The following MDN1 variants were observed in gnomAD, a reference collection of about 807,000 sequenced individuals.
MDN1 encodes midasin AAA ATPase 1.
A neutral mutation model predicts 669.2 loss-of-function variants in MDN1; 266 were observed. The observed-to-expected ratio is 0.40, with a 90% confidence interval of 0.36 to 0.44. MDN1 has a LOEUF of 0.44. Ranked by LOEUF, MDN1 falls within the 20% of genes least tolerant of loss-of-function variation. MDN1 has a pLI of 1.00. For missense variants in MDN1, 5,940 were observed against 6,754.0 expected, an observed-to-expected ratio of 0.88 and a Z score of 4.22; for synonymous variants, 2,385 against 2,457.1, an observed-to-expected ratio of 0.97 and a Z score of 0.87.
Position 89,762,365 on chromosome 6 carries a change from A to G in MDN1, c.2310T>C (p.His770=), listed in dbSNP as rs757593137. Residue 770 remains histidine, a synonymous_variant, in exon 16 of 102, where the codon CAT becomes CAC. Transcript: ENST00000369393. ...CCTTGTTAACAGCAGACTTGTGTACATGCTGCATTAGTCTCAGGAGATCAT... is the reference window on the plus strand; with the variant it reads ...CCTTGTTAACAGCAGACTTGTGTACGTGCTGCATTAGTCTCAGGAGATCAT... ...RWHDLLRLMQ[H]VHKSAVNKDG... The G allele has an allele frequency of 3.7e-5, 60 of 1,614,038 alleles. No homozygotes were observed. The South Asian group carries it at 6.1e-4, about 17-fold the overall frequency.
intron 7 of MDN1, among the ~76,000 whole-genome samples, chr6:89,788,282 C>G (rs530395081): frequency 4.6e-5 from 7 of 152,222 alleles, no homozygotes; most frequent in African/African-American, 1.7e-4. Context: ...ATCAGTGTAC[C>G]CCAGGAGTAT....
intron 75 of MDN1, among the ~76,000 whole-genome samples, chr6:89,678,260 C>T (rs536079930): frequency 5.3e-5 from 8 of 151,952 alleles, no homozygotes; most frequent in East Asian, 1.9e-4. Flanking sequence ...CAACAAGAGG[C>T]GGAGGTTGCA....
intron 97 of MDN1, among the ~76,000 whole-genome samples, chr6:89,648,826 A>C (rs1485467213): frequency 6.6e-6 from 1 of 151,138 alleles, no homozygotes; most frequent in Admixed American, 6.6e-5. Context: ...AAAAAAAAAA[A>C]AAAACAATTT....
At chr6:89,663,424 G>A (rs1809948945) in intron 85 of MDN1, among the ~76,000 whole-genome samples, 1 of 152,086 alleles carries the variant, frequency 6.6e-6, no homozygotes. Flanking sequence ...TTTGCAAAAG[G>A]TCATATCCTA....
rs369603151 is a variant in MDN1 at position 89,749,985 on chromosome 6, T to C, written c.3407-234A>G. Among the ~76,000 whole-genome samples the C allele has an allele frequency of 2.2e-4, 33 of 152,340 alleles. No individual in the cohort carries two copies. The East Asian group carries it at 5.2e-3, about 24-fold the overall frequency. ...AGAAGCCAAGGCTGAAAATACCTCA[T>C]ATTTCTTGTGTAATCTTTCCCCTGC... On this transcript the variant is annotated intron_variant, in intron 24 of 101. Transcript: ENST00000369393.
chr6:89,678,764 C>G lies in MDN1; in HGVS notation c.12266-19G>C, dbSNP rs372042258. ...ACTTCACCTGTAAGGGAAAACAAGG[C>G]GGGGAGGGGAGACAATAAGAAAATC... is the stretch of plus-strand genomic sequence containing the variant. On this transcript the variant is annotated intron_variant, in intron 74 of 101. Transcript: ENST00000369393. 23 of 1,598,580 alleles carry G rather than the reference C, an allele frequency of 1.4e-5. No individual in the cohort carries two copies. The African/African-American group carries it at 2.6e-4, about 18-fold the overall frequency.
intron 15 of MDN1, among the ~76,000 whole-genome samples, chr6:89,766,331 G>A (rs1353843066): frequency 6.6e-6 from 1 of 150,394 alleles, no homozygotes; most frequent in Non-Finnish European, 1.5e-5. Flanking sequence ...TTCATTTAAA[G>A]CTGAGCACAG....
chr6:89,647,766 G>A (rs1808577550), intron 99 of MDN1, among the ~76,000 whole-genome samples: 1 of 152,086 alleles, frequency 6.6e-6, no homozygotes, highest in Non-Finnish European at 1.5e-5. Context: ...ACCAGCCTGG[G>A]CAACAAAGTG....
Position 89,745,261 on chromosome 6 carries a change from A to G in MDN1, c.4178+12T>C, listed in dbSNP as rs374392594. 858 of 1,613,628 alleles carry G rather than the reference A, an allele frequency of 5.3e-4. 2 individuals are homozygous for G. In the African/African-American group the frequency reaches 0.01, roughly 19 times the overall value. On this transcript the variant is annotated intron_variant, in intron 29 of 101. Coordinates refer to ENST00000369393, the MANE Select transcript of MDN1 (RefSeq NM_014611.3). ...AAATGAACCCTCATGAGTCACTGTC[A>G]CAGATCTTTACCCAGTGTCTCCAAC...
chr6:89,665,446 T>C (rs985854093), intron 84 of MDN1, among the ~76,000 whole-genome samples: 6 of 152,162 alleles, frequency 3.9e-5, no homozygotes, highest in East Asian at 3.9e-4. Flanking sequence ...CGGTAGCTCA[T>C]GCCTGTAATC....
In MDN1 at chr6:89,658,794, C is replaced by T; in HGVS notation, c.14837G>A (p.Ser4946Asn). 3 of 1,614,202 alleles carry T rather than the reference C, an allele frequency of 1.9e-6. No homozygotes were observed. The highest frequency in any genetic ancestry group is 2.5e-6 in the Non-Finnish European group (3 of 1,180,046). ...TTCCCCTTCTGCCTTGTCATCTTCA[C>T]TGGGGCCTTCCTCAGGCTCCTGTGG... ...QSPQEPEEGPSEDDKAEGEEE... is the reference protein window; with the variant it reads ...QSPQEPEEGPNEDDKAEGEEE... Residue 4946 changes from serine to asparagine, a missense_variant, in exon 89 of 102, where the codon AGT (serine) becomes AAT (asparagine). Around this residue, in one of 5 missense-constraint regions of MDN1, gnomAD observed 2,280 missense variants for 2,576.3 expected, o/e 0.88. Coordinates refer to ENST00000369393, the MANE Select transcript of MDN1 (RefSeq NM_014611.3).
intron 24 of MDN1, 91 bp downstream of exon 24, chr6:89,750,263 G>A: frequency 7.6e-7 from 1 of 1,313,062 alleles, no homozygotes; most frequent in Non-Finnish European, 1.1e-6. Flanking sequence ...AGGTCCATGT[G>A]CCTCAATTGG....
chr6:89,667,635 G>A (rs1011848098), intron 84 of MDN1, among the ~76,000 whole-genome samples: 8 of 152,090 alleles, frequency 5.3e-5, no homozygotes, highest in Non-Finnish European at 1.2e-4. Context: ...ATATACAACA[G>A]TAAAACCTAT....
Position 89,696,000 on chromosome 6 carries a change from G to A in MDN1, c.9384-8C>T. 6.3e-7 allele frequency: 1 copy of A among 1,598,180 alleles called. No individual in the cohort carries two copies. Among genetic ancestry groups the A allele is most frequent in the Non-Finnish European group, 8.5e-7 (1 of 1,171,610 alleles). On this transcript the variant is annotated splice_region_variant and splice_polypyrimidine_tract_variant and intron_variant, in intron 60 of 101. Transcript: ENST00000369393. The surrounding 1 kb of genome is among the most constrained non-coding windows in gnomAD (Gnocchi z 4.1). Reference sequence around the variant, plus strand: ...AGTTGGGAATCCGTGCGTCTGTGGGGACAAAAAGAAAGCACTGAAAGGTTT... The same window carrying A: ...AGTTGGGAATCCGTGCGTCTGTGGGAACAAAAAGAAAGCACTGAAAGGTTT...
Position 89,662,833 on chromosome 6 carries a change from C to G in MDN1, c.14371G>C (p.Glu4791Gln), listed in dbSNP as rs1323365385. ...DDDEEEDEEE[E>Q]DNKTEETGPG... ...CCTGTTTCTTCAGTTTTATTGTCTT[C>G]TTCCTCCTCATCTTCCTCCTCATCA... is the stretch of plus-strand genomic sequence containing the variant. The change falls in exon 86 of 102, where the codon GAA becomes CAA. Residue 4791 changes from glutamate (E) to glutamine (Q), a missense_variant. This residue lies in a region of MDN1 where 2,280 missense variants were observed against 2,576.3 expected (regional missense o/e 0.88). Transcript: ENST00000369393. The G allele has an allele frequency of 1.9e-6, 3 of 1,605,176 alleles. No homozygotes were observed. The highest frequency in any genetic ancestry group is 2.7e-5 in the African/African-American group (2 of 74,766).
In MDN1 at chr6:89,762,459, G is replaced by A; in HGVS notation, c.2216C>T (p.Thr739Ile). The A allele has an allele frequency of 1.9e-6, 3 of 1,614,092 alleles. No individual in the cohort carries two copies. The highest frequency in any genetic ancestry group is 2.5e-6 in the Non-Finnish European group (3 of 1,179,964). ...CGTAAAGTTTTGTTTCTTGGAAAAT[G>A]TCTGAGCAAAGAGTTCCTCAAATGC... ...REAFEELFAQ[T>I]FSKKQNFTFL... The change falls in exon 16 of 102, where the codon ACA becomes ATA. Residue 739 changes from threonine (T) to isoleucine (I), a missense_variant. Around this residue, in one of 5 missense-constraint regions of MDN1, gnomAD observed 1,203 missense variants for 1,268.9 expected, o/e 0.95. Transcript: ENST00000369393.
At chr6:89,746,611 A>AAAAAGAAAGAAAG (rs1554191094) in intron 27 of MDN1, among the ~76,000 whole-genome samples, 22 of 40,538 alleles carry the variant, frequency 5.4e-4, no homozygotes, top group African/African-American at 1.9e-3. Context: ...AAAAAAAAAA[A>AAAAAGAAAGAAAG]AAAGAAAGAA....
In MDN1 at chr6:89,719,030, A is replaced by C. The variant is rs1277863250; in HGVS notation, c.6058T>G (p.Leu2020Val). ...LFRITPYDVQ[L>V]GYSVLSRGSC... ...CCACGGGAAAGGACTGAGTAGCCCA[A>C]CTGAAAAGACATGCCAGTGAGATTT... Residue 2020 changes from leucine to valine, a missense_variant and splice_region_variant, in exon 42 of 102, where the codon TTG becomes GTG. Physicochemically the swap from Leu to Val is conservative, Grantham distance 32. Around this residue, in one of 5 missense-constraint regions of MDN1, gnomAD observed 2,292 missense variants for 2,638.3 expected, o/e 0.87. Transcript: ENST00000369393. The C allele has an allele frequency of 3.7e-6, 6 of 1,614,084 alleles. No individual in the cohort carries two copies. In the Middle Eastern group the frequency reaches 5.0e-4, roughly 133 times the overall value.
Position 89,781,547 on chromosome 6 carries a change from G to A in MDN1, c.1495C>T (p.Leu499=), listed in dbSNP as rs1189726996. Residue 499 remains leucine (L), a synonymous_variant, in exon 10 of 102, where the codon CTG becomes TTG. Transcript: ENST00000369393. ...YPSLLAVVDH[L]LDIYIQLTGE... is the part of the protein sequence containing the mutation. ...GTAAGTTGGATATAAATGTCAAGCAGGTGATCAACCACTGCCAATAGGCTA... is the reference window on the plus strand; with the variant it reads ...GTAAGTTGGATATAAATGTCAAGCAAGTGATCAACCACTGCCAATAGGCTA... 2 of 1,613,294 alleles carry A rather than the reference G, an allele frequency of 1.2e-6. No individual in the cohort carries two copies. Among genetic ancestry groups the A allele is most frequent in the Non-Finnish European group, 1.7e-6 (2 of 1,179,456 alleles).
Sources: gnomAD v4.1 joint callset for allele counts (sites outside exome capture counted in the v4.1 genomes callset) on GRCh38, gnomAD v4.1.1 for gene constraint, gnomAD v4.1.1 regional missense constraint, Gnocchi (gnomAD v3.1) non-coding constraint, MANE v1.5 for transcripts, NCBI Gene and HGNC (gene_info 2026-07-23, HGNC 2026-07-21) for gene names.